Variants in UBTD1 observed in about 807,000 individuals in gnomAD.
The protein encoded by UBTD1 is ubiquitin domain-containing protein 1.
In UBTD1, 19 loss-of-function variants were observed where a neutral mutation model predicts 21.7. The observed-to-expected ratio is 0.87, with a 90% CI of 0.61 to 1.28. UBTD1 has a LOEUF of 1.28. Among genes scored for constraint, UBTD1 ranks in the 50% most tolerant of loss-of-function variants. UBTD1 has a pLI of 0.00. For missense variants in UBTD1, 282 were observed against 315.1 expected, an observed-to-expected ratio of 0.89 and a Z score of 0.80; for synonymous variants, 116 against 135.1, an observed-to-expected ratio of 0.86 and a Z score of 0.98.
At chr10:97,533,748 AC>A (rs1172319633) in intron 1 of UBTD1, among the ~76,000 whole-genome samples, 1 of 151,836 alleles carries the variant, frequency 6.6e-6, no homozygotes, top group Non-Finnish European at 1.5e-5. Context: ...ACATGGTGAA[AC>A]CCGTCTCTAC....
chr10:97,561,657 A>C (rs951497755), intron 1 of UBTD1, among the ~76,000 whole-genome samples: 1 of 152,172 alleles, frequency 6.6e-6, no homozygotes, highest in Non-Finnish European at 1.5e-5. Context: ...ATTTTTAACT[A>C]CTGGTTTTAG....
chr10:97,514,351 C>G (rs969537870), intron 1 of UBTD1, among the ~76,000 whole-genome samples: 6 of 152,196 alleles, frequency 3.9e-5, no homozygotes, highest in Non-Finnish European at 7.3e-5. Context: ...TGTTCCCCAC[C>G]TGCCACCCTC....
chr10:97,559,088 G>C (rs543019092), intron 1 of UBTD1, among the ~76,000 whole-genome samples: 45 of 152,162 alleles, frequency 3.0e-4, no homozygotes, highest in South Asian at 6.2e-4. Flanking sequence ...GGTCTCCACG[G>C]AATGCTAAGT....
intron 1 of UBTD1, among the ~76,000 whole-genome samples, chr10:97,545,426 G>A (rs1257837614): frequency 4.8e-5 from 1 of 20,822 alleles, no homozygotes; most frequent in Admixed American, 8.7e-4. Flanking sequence ...GGGTGTGTGT[G>A]TGTGGGTGTG....
chr10:97,503,030 C>T (rs1168712990), intron 1 of UBTD1, among the ~76,000 whole-genome samples: 1 of 151,704 alleles, frequency 6.6e-6, no homozygotes, highest in Non-Finnish European at 1.5e-5. Flanking sequence ...GATCCTCTCC[C>T]CTCAGTCTTC....
intron 1 of UBTD1, among the ~76,000 whole-genome samples, chr10:97,504,267 A>G (rs540791729): frequency 3.9e-5 from 6 of 152,058 alleles, no homozygotes; most frequent in African/African-American, 1.4e-4. Context: ...CCATCCCACT[A>G]GCCAGCGTGA....
chr10:97,538,965 G>A (rs1451029522), intron 1 of UBTD1, among the ~76,000 whole-genome samples: 2 of 152,208 alleles, frequency 1.3e-5, no homozygotes, highest in African/African-American at 4.8e-5. Context: ...TTACAGATGA[G>A]TGGCTCCAGG....
chr10:97,516,115 G>T (rs551288247), intron 1 of UBTD1, among the ~76,000 whole-genome samples: 4 of 152,310 alleles, frequency 2.6e-5, no homozygotes, highest in Admixed American at 2.6e-4. Flanking sequence ...GGGGGCCAGG[G>T]GCTCCCCAAG....
intron 1 of UBTD1, among the ~76,000 whole-genome samples, chr10:97,531,147 A>G (rs2040529529): frequency 6.6e-6 from 1 of 151,408 alleles, no homozygotes; most frequent in Non-Finnish European, 1.5e-5. Flanking sequence ...TTGGCCTCCC[A>G]AAGTGCTGGG....
intron 1 of UBTD1, among the ~76,000 whole-genome samples, chr10:97,508,374 C>T (rs1208637828): frequency 6.6e-6 from 1 of 152,198 alleles, no homozygotes; most frequent in African/African-American, 2.4e-5. Context: ...TTTGCTGGAT[C>T]CCTTCACAAA....
chr10:97,503,398 G>A (rs992591413), intron 1 of UBTD1, among the ~76,000 whole-genome samples: 3 of 152,296 alleles, frequency 2.0e-5, no homozygotes, highest in South Asian at 2.1e-4. Flanking sequence ...CCATGAACTG[G>A]GTGAAGCAGC....
rs1424371084 is a variant in UBTD1, at chr10:97,568,106, C to G, written c.263C>G (p.Ala88Gly). ...GCCAACGACCACGAGCTGGCCCAGG[C>G]CATCCTGGATGGAGCCAGCATCACC... ...AEANDHELAQ[A>G]ILDGASITLP... The change falls in exon 2 of 3, where the codon GCC (alanine) becomes GGC (glycine). Residue 88 changes from alanine (A) to glycine (G), a missense_variant. Physicochemically the swap from Ala to Gly is moderately conservative, Grantham distance 60. Transcript: ENST00000370664. 2.5e-6 allele frequency: 4 copies of G among 1,613,652 alleles called. No individual in the cohort carries two copies. The highest frequency in any genetic ancestry group is 3.4e-6 in the Non-Finnish European group (4 of 1,180,054).
At chr10:97,528,555 C>A (rs1465060769) in intron 1 of UBTD1, among the ~76,000 whole-genome samples, 1 of 84,312 alleles carries the variant, frequency 1.2e-5, no homozygotes. Flanking sequence ...CCGGACGGGG[C>A]GGCTCGCCTG....
chr10:97,526,757 A>G (rs527617010), intron 1 of UBTD1, among the ~76,000 whole-genome samples: 1 of 151,180 alleles, frequency 6.6e-6, no homozygotes, highest in South Asian at 2.1e-4. Flanking sequence ...AGGCTGAAGC[A>G]GGAGAATTGC....
At chr10:97,550,429 C>T (rs934009783) in intron 1 of UBTD1, among the ~76,000 whole-genome samples, 1 of 152,152 alleles carries the variant, frequency 6.6e-6, no homozygotes, top group Admixed American at 6.6e-5. Context: ...AGAACCATCT[C>T]CTGGGGTCTG....
rs747699602 is a variant in UBTD1, at chr10:97,570,254, C to T, written c.415C>T (p.Pro139Ser). The change falls in exon 3 of 3, where the codon CCC (proline) becomes TCC (serine). Residue 139 changes from proline to serine, a missense_variant. Pro to Ser is a moderately conservative substitution (Grantham distance 74, BLOSUM62 -1). Coordinates refer to ENST00000370664, the MANE Select transcript of UBTD1 (RefSeq NM_024954.5). The surrounding 1 kb of genome is among the most constrained non-coding windows in gnomAD (Gnocchi z 6.6). ...CACGGAGGAGGAGAGCCTGGAGCCC[C>T]CCGAGCCTCCACCCAGCGTGCGCCG... is the stretch of plus-strand genomic sequence containing the variant. Reference protein sequence around the residue: ...EHTEEESLEPPEPPPSVRREF... With the variant: ...EHTEEESLEPSEPPPSVRREF... The T allele has an allele frequency of 6.2e-7, 1 of 1,613,174 alleles. No individual in the cohort carries two copies. Among genetic ancestry groups the T allele is most frequent in the Non-Finnish European group, 8.5e-7 (1 of 1,180,002 alleles).
chr10:97,515,537 T>TG (rs2040440195), intron 1 of UBTD1, among the ~76,000 whole-genome samples: 1 of 152,216 alleles, frequency 6.6e-6, no homozygotes, highest in Admixed American at 6.5e-5. Flanking sequence ...TAGGGCTTCA[T>TG]GGAGGACTCA....
chr10:97,506,050 G>C (rs1472105323), intron 1 of UBTD1, among the ~76,000 whole-genome samples: 1 of 152,192 alleles, frequency 6.6e-6, no homozygotes, highest in Non-Finnish European at 1.5e-5. Flanking sequence ...GTTCATACCG[G>C]TGTGTACAGA....
chr10:97,563,389 G>C (rs994222611), intron 1 of UBTD1, among the ~76,000 whole-genome samples: 1 of 152,134 alleles, frequency 6.6e-6, no homozygotes, highest in Non-Finnish European at 1.5e-5. Context: ...TCGAGGCCTC[G>C]TCAGTTTTGG....
Sources: gnomAD v4.1 joint callset for allele counts (sites outside exome capture counted in the v4.1 genomes callset) on GRCh38, gnomAD v4.1.1 for gene constraint, Gnocchi (gnomAD v3.1) non-coding constraint, MANE v1.5 for transcripts, NCBI Gene and HGNC (gene_info 2026-07-23, HGNC 2026-07-21) for gene names.